The following CRMP1 variants were observed in gnomAD, a reference collection of about 807,000 sequenced individuals.
CRMP1 encodes the protein dihydropyrimidinase-related protein 1.
A neutral mutation model predicts 68.3 loss-of-function variants in CRMP1; 19 were observed. The ratio of observed to expected loss-of-function variants is 0.28; its 90% CI spans 0.19 to 0.41. The LOEUF (loss-of-function observed/expected upper bound fraction) is 0.41, where lower values mean the gene tolerates loss of function less well. Among genes scored for constraint, CRMP1 ranks in the 10% least tolerant of loss-of-function variants. The pLI, the probability that CRMP1 is intolerant of heterozygous loss-of-function variation, is 1.00. For synonymous variants in CRMP1, 439 were observed against 399.6 expected, an observed-to-expected ratio of 1.10 and a Z score of -1.18; for missense variants, 791 against 967.4, an observed-to-expected ratio of 0.82 and a Z score of 2.42.
chr4:5,851,302 A>G, intron 5 of CRMP1, 106 bp downstream of exon 5: 1 of 1,010,714 alleles, frequency 9.9e-7, no homozygotes, highest in Non-Finnish European at 1.6e-6. Context: ...CAGGACTCGA[A>G]TCCCACGGCT....
chr4:5,846,538 T>C (rs1712212724), intron 6 of CRMP1, among the ~76,000 whole-genome samples: 1 of 151,972 alleles, frequency 6.6e-6, no homozygotes, highest in African/African-American at 2.4e-5. Context: ...AGCAAAATAC[T>C]GGAAGCTGAG....
rs552164972 is a variant in CRMP1, at chr4:5,869,384, G to A, written c.382-2628C>T. ...CCTGAAGCCCATCCCTTGGGTGGGGGAGAAAGAAGTAAACTGGGCCAGGTG... is the reference window on the plus strand; with the variant it reads ...CCTGAAGCCCATCCCTTGGGTGGGGAAGAAAGAAGTAAACTGGGCCAGGTG... On this transcript the variant is annotated intron_variant, in intron 1 of 13. Coordinates refer to ENST00000324989, the MANE Select transcript of CRMP1 (RefSeq NM_001014809.3). Among the ~76,000 whole-genome samples, 63 of 152,272 alleles carry A rather than the reference G, an allele frequency of 4.1e-4. 1 individual carries two copies. Among genetic ancestry groups the A allele is most frequent in the African/African-American group, 1.4e-3 (60 of 41,560 alleles).
At chr4:5,884,493 C>CACACACACACACACACAT (rs1715434122) in intron 1 of CRMP1, among the ~76,000 whole-genome samples, 1 of 151,736 alleles carries the variant, frequency 6.6e-6, no homozygotes, top group African/African-American at 2.4e-5. Context: ...CACACACACA[C>CACACACACACACACACAT]ACGGGCAGTG....
Position 5,870,784 on chromosome 4 carries a change from T to A in CRMP1, c.382-4028A>T, listed in dbSNP as rs886742578. On this transcript the variant is annotated intron_variant, in intron 1 of 13. Coordinates refer to ENST00000324989, the MANE Select transcript of CRMP1 (RefSeq NM_001014809.3). The surrounding 1 kb of genome is among the most constrained non-coding windows in gnomAD (Gnocchi z 6.0). ...ATGTGTGCATCCCCAGAGAGGAAAC[T>A]CACCAAGCCTCTTGACGGCAATCCG... Among the ~76,000 whole-genome samples the A allele has an allele frequency of 6.6e-5, 10 of 152,086 alleles. No individual in the cohort carries two copies. Among genetic ancestry groups the A allele is most frequent in the East Asian group, 1.9e-4 (1 of 5,182 alleles).
intron 1 of CRMP1, among the ~76,000 whole-genome samples, chr4:5,871,148 A>C (rs765191678): frequency 1.3e-5 from 2 of 152,194 alleles, no homozygotes; most frequent in Non-Finnish European, 2.9e-5. Flanking sequence ...CCAGGCTCCA[A>C]GCCCTTAGTG....
In CRMP1 at chr4:5,872,251, T is replaced by C. The variant is rs1235088893; in HGVS notation, c.382-5495A>G. Among the ~76,000 whole-genome samples the C allele has an allele frequency of 6.6e-6, 1 of 152,052 alleles. No individual in the cohort carries two copies. Among genetic ancestry groups the C allele is most frequent in the East Asian group, 1.9e-4 (1 of 5,196 alleles). On this transcript the variant is annotated intron_variant, in intron 1 of 13. Transcript: ENST00000324989. This position sits in a 1 kb window ranked among gnomAD's most constrained non-coding sequence, Gnocchi z 4.6. Reference sequence around the variant, plus strand: ...TACTAAAAAAGTAAATGTTACATAATATATGTTTTTAAAATTAATAACACC... The same window carrying C: ...TACTAAAAAAGTAAATGTTACATAACATATGTTTTTAAAATTAATAACACC...
At chr4:5,878,759 T>A (rs920152092) in intron 1 of CRMP1, among the ~76,000 whole-genome samples, 1 of 152,172 alleles carries the variant, frequency 6.6e-6, no homozygotes, top group African/African-American at 2.4e-5. Flanking sequence ...AAATTTTGAA[T>A]GTGAAATGAA....
Position 5,892,547 on chromosome 4 carries a change from G to A in CRMP1, c.381+42C>T, listed in dbSNP as rs1715999065. ...CGCCCCATGCCCTGGGTCCTCCCGG[G>A]GCCCGCCCCCCTCGTCTGGCCCGCG... is the stretch of plus-strand genomic sequence containing the variant. On this transcript the variant is annotated intron_variant, in intron 1 of 13. Coordinates refer to ENST00000324989, the MANE Select transcript of CRMP1 (RefSeq NM_001014809.3). The surrounding 1 kb of genome is among the most constrained non-coding windows in gnomAD (Gnocchi z 8.6). 8.6e-7 allele frequency: 1 copy of A among 1,167,230 alleles called. No individual in the cohort carries two copies. Among genetic ancestry groups the A allele is most frequent in the South Asian group, 4.3e-5 (1 of 23,458 alleles). The allele number at this position is 1,167,230 out of a possible 1,614,324, so 72.3% of individuals were successfully genotyped here.
chr4:5,888,622 CCCG>C lies in CRMP1; in HGVS notation c.381+3964_381+3966del. On this transcript the variant is annotated intron_variant, in intron 1 of 13. Transcript: ENST00000324989. The surrounding 1 kb of genome is among the most constrained non-coding windows in gnomAD (Gnocchi z 6.4). Reference sequence around the variant, plus strand: ...AAGCGCTTCCCTTCCGATCTCCCACCCCGCCCCCCGCCCCCCACCCGCCCAGCC... The same window carrying C: ...AAGCGCTTCCCTTCCGATCTCCCACCCCCCCCGCCCCCCACCCGCCCAGCC... 7.8e-6 allele frequency: 5 copies of C among 642,390 alleles called. No homozygotes were observed. The highest frequency in any genetic ancestry group is 5.8e-6 in the Non-Finnish European group (3 of 513,832). 39.8% of individuals were successfully genotyped at this position (642,390 alleles called of 1,614,324 possible). A position where few individuals can be genotyped will look rare whatever the true frequency, so the allele number is the denominator to read the frequency against.
Position 5,856,251 on chromosome 4 carries a change from G to A in CRMP1, c.712C>T (p.His238Tyr). ...CAGGATTTGGTGTCAGCTGCTTCGT[G>A]CCACTTCTCGAAAGAGGTCAGTAGG... Reference protein sequence around the residue: ...SSLLTSFEKWHEAADTKSCCD... With the variant: ...SSLLTSFEKWYEAADTKSCCD... Residue 238 changes from histidine (H) to tyrosine (Y), a missense_variant, in exon 4 of 14, where the codon CAC becomes TAC. This residue lies in a region of CRMP1 where 594 missense variants were observed against 763.6 expected (regional missense o/e 0.78). Coordinates refer to ENST00000324989, the MANE Select transcript of CRMP1 (RefSeq NM_001014809.3). 6.2e-7 allele frequency: 1 copy of A among 1,613,874 alleles called. No individual in the cohort carries two copies. Among genetic ancestry groups the A allele is most frequent in the Non-Finnish European group, 8.5e-7 (1 of 1,179,882 alleles).
At chr4:5,832,801 T>A (rs139034731) in intron 11 of CRMP1, among the ~76,000 whole-genome samples, 1 of 152,186 alleles carries the variant, frequency 6.6e-6, no homozygotes, top group Non-Finnish European at 1.5e-5. Flanking sequence ...TACATATTGT[T>A]ATGGGTTGAA....
At position 5,842,604 on chromosome 4, in the gene CRMP1, A is replaced by T. The variant is rs953791433; in HGVS notation, c.1032+489T>A. Among the ~76,000 whole-genome samples, 88 of 148,266 alleles carry T rather than the reference A, an allele frequency of 5.9e-4. No individual in the cohort carries two copies. The highest frequency in any genetic ancestry group is 9.3e-4 in the Non-Finnish European group (63 of 67,504). On this transcript the variant is annotated intron_variant, in intron 7 of 13. Coordinates refer to ENST00000324989, the MANE Select transcript of CRMP1 (RefSeq NM_001014809.3). This position sits in a 1 kb window ranked among gnomAD's most constrained non-coding sequence, Gnocchi z 4.5. ...CCCACACTCACACACTCTCTCACACACACACACACACACTCACTCACACAC... is the reference window on the plus strand; with the variant it reads ...CCCACACTCACACACTCTCTCACACTCACACACACACACTCACTCACACAC...
chr4:5,884,417 T>C (rs965640484), intron 1 of CRMP1, among the ~76,000 whole-genome samples: 2 of 150,916 alleles, frequency 1.3e-5, no homozygotes, highest in African/African-American at 4.9e-5. Context: ...ACAAACACAT[T>C]TACACACCAC....
rs556916162 is a variant in CRMP1 at position 5,860,899 on chromosome 4, G to T, written c.655+127C>A. On this transcript the variant is annotated intron_variant, in intron 3 of 13. Transcript: ENST00000324989. The surrounding 1 kb of genome is among the most constrained non-coding windows in gnomAD (Gnocchi z 4.2). Reference sequence around the variant, plus strand: ...AAACAGTGACCTGTGTCATAGGGCTGGGGGGAGAATGAAATCCAATGGCAC... The same window carrying T: ...AAACAGTGACCTGTGTCATAGGGCTTGGGGGAGAATGAAATCCAATGGCAC... The T allele has an allele frequency of 6.5e-5, 60 of 916,632 alleles. No homozygotes were observed. In the South Asian group the frequency reaches 9.8e-4, roughly 15 times the overall value. 56.8% of individuals were successfully genotyped at this position (916,632 alleles called of 1,614,324 possible).
intron 1 of CRMP1, among the ~76,000 whole-genome samples, chr4:5,869,849 T>C (rs532329391): frequency 6.6e-6 from 1 of 151,946 alleles, no homozygotes; most frequent in African/African-American, 2.4e-5. Context: ...AATAAATGAA[T>C]CCAATAAAGA....
chr4:5,861,550 C>T lies in CRMP1; in HGVS notation c.471-340G>A, dbSNP rs1713557662. Among the ~76,000 whole-genome samples the T allele has an allele frequency of 6.6e-6, 1 of 152,192 alleles. No individual in the cohort carries two copies. Among genetic ancestry groups the T allele is most frequent in the African/African-American group, 2.4e-5 (1 of 41,446 alleles). ...AAGTGAGCCCAGCATGATGCATGTG[C>T]TGACCGTCATGTCTATTCTGATGTA... is the stretch of plus-strand genomic sequence containing the variant. On this transcript the variant is annotated intron_variant, in intron 2 of 13. Coordinates refer to ENST00000324989, the MANE Select transcript of CRMP1 (RefSeq NM_001014809.3). The surrounding 1 kb of genome is among the most constrained non-coding windows in gnomAD (Gnocchi z 6.0).
At position 5,866,547 on chromosome 4, in the gene CRMP1, C is replaced by T; in HGVS notation, c.470+121G>A. ...TCCCCCAACCTCTGTGAGGTCTCTA[C>T]CCCTGAAACACAGGTACACAGCCCC... On this transcript the variant is annotated intron_variant, in intron 2 of 13. Transcript: ENST00000324989. This position sits in a 1 kb window ranked among gnomAD's most constrained non-coding sequence, Gnocchi z 5.9. 2 of 699,722 alleles carry T rather than the reference C, an allele frequency of 2.9e-6. No individual in the cohort carries two copies. The highest frequency in any genetic ancestry group is 4.2e-5 in the South Asian group (2 of 47,314). 43.3% of individuals were successfully genotyped at this position (699,722 alleles called of 1,614,324 possible). A position where few individuals can be genotyped will look rare whatever the true frequency, so the allele number is the denominator to read the frequency against.
At chr4:5,874,084 T>G (rs944055392) in intron 1 of CRMP1, among the ~76,000 whole-genome samples, 1 of 152,216 alleles carries the variant, frequency 6.6e-6, no homozygotes, top group African/African-American at 2.4e-5. Flanking sequence ...GCAACAGGTA[T>G]CAAAGGCCTT....
intron 11 of CRMP1, among the ~76,000 whole-genome samples, chr4:5,831,933 C>G (rs6826129): frequency 0.47 from 71,397 of 152,132 alleles, 20,005 homozygotes; most frequent in African/African-American, 0.79. Flanking sequence ...AGAGCAGCCA[C>G]TCAAGCTCAT....
Sources: allele counts gnomAD v4.1 joint callset (sites outside exome capture counted in the v4.1 genomes callset), GRCh38; gene constraint gnomAD v4.1.1; regional missense constraint gnomAD v4.1.1; non-coding constraint Gnocchi (gnomAD v3.1); transcripts MANE v1.5; gene names NCBI Gene and HGNC (gene_info 2026-07-23, HGNC 2026-07-21).